The following FOCAD variants were observed in gnomAD, a reference collection of about 807,000 sequenced individuals.
FOCAD encodes the protein focadhesin.
FOCAD carries 198 observed loss-of-function variants against 225.6 expected under a neutral mutation model. The ratio of observed to expected loss-of-function variants is 0.88; its 90% CI spans 0.78 to 0.99. The LOEUF is 0.99. Among genes scored for constraint, FOCAD ranks in the 50% least tolerant of loss-of-function variants. FOCAD has a pLI of 0.00. For missense variants in FOCAD, 2,713 were observed against 2,123.6 expected (o/e 1.28, Z -5.46); for synonymous variants, 897 against 755.0 (o/e 1.19, Z -3.08).
Position 20,765,031 on chromosome 9 carries a change from G to A in FOCAD, c.657G>A (p.Gln219=). 6.2e-7 allele frequency: 1 copy of A among 1,614,104 alleles called. No individual in the cohort carries two copies. Among genetic ancestry groups the A allele is most frequent in the South Asian group, 1.1e-5 (1 of 91,072 alleles). ...AAGATCAACCATCAATACTGGAACA[G>A]CAGATACTTCAACTGTGTTGTGACA... ...CDKDQPSILE[Q]QILQLCCDIV... Residue 219 remains glutamine, a synonymous_variant, in exon 7 of 44, where the codon CAG becomes CAA. Transcript: ENST00000338382.
intron 21 of FOCAD, among the ~76,000 whole-genome samples, chr9:20,901,962 A>G (rs1319670836): frequency 1.3e-5 from 2 of 151,954 alleles, no homozygotes; most frequent in Non-Finnish European, 2.9e-5. Flanking sequence ...AAAAAGTTTT[A>G]AATTTTGTGT....
intron 1 of FOCAD, among the ~76,000 whole-genome samples, chr9:20,685,659 C>T (rs921926804): frequency 6.6e-6 from 1 of 152,052 alleles, no homozygotes; most frequent in African/African-American, 2.4e-5. Flanking sequence ...TTTTCACTTG[C>T]TTTTATAGAT....
chr9:20,661,263 A>G (rs1194697230), intron 2 of FOCAD, among the ~76,000 whole-genome samples: 2 of 152,224 alleles, frequency 1.3e-5, no homozygotes, highest in Non-Finnish European at 1.5e-5. Flanking sequence ...AAGTAGCATG[A>G]AGGGCTCAAT....
intron 2 of FOCAD, among the ~76,000 whole-genome samples, chr9:20,675,740 C>T (rs1167030240): frequency 6.6e-6 from 1 of 152,190 alleles, no homozygotes; most frequent in Non-Finnish European, 1.5e-5. Flanking sequence ...AAACTTGTTT[C>T]AGACGATTAA....
chr9:20,883,366 A>G lies in FOCAD; in HGVS notation c.2503+1310A>G, dbSNP rs143928013. Among the ~76,000 whole-genome samples, 844 of 152,354 alleles carry G rather than the reference A, an allele frequency of 5.5e-3. 11 individuals are homozygous for G. The highest frequency in any genetic ancestry group is 0.019 in the African/African-American group (796 of 41,592). ...GCAGAGCAAGGAGACAAGAAAATCT[A>G]TAAGATCACAAAATATCTGAACAAT... On this transcript the variant is annotated intron_variant, in intron 20 of 43. Coordinates refer to ENST00000338382, the MANE Select transcript of FOCAD (RefSeq NM_001375567.1).
intron 28 of FOCAD, among the ~76,000 whole-genome samples, chr9:20,939,509 C>A (rs909401671): frequency 1.3e-5 from 2 of 152,198 alleles, no homozygotes; most frequent in East Asian, 3.9e-4. Flanking sequence ...GCATTGTCTC[C>A]ATCAGTTTTC....
intron 8 of FOCAD, 131 bp downstream of exon 8, chr9:20,770,369 A>C: frequency 3.7e-6 from 3 of 807,902 alleles, no homozygotes; most frequent in Non-Finnish European, 5.8e-6. Context: ...TGGTGCTGGC[A>C]TCTGCTTAGC....
intron 19 of FOCAD, among the ~76,000 whole-genome samples, chr9:20,878,971 A>C (rs369635244): frequency 1.3e-5 from 2 of 152,120 alleles, no homozygotes; most frequent in Admixed American, 1.3e-4. Context: ...CACCTTCTGC[A>C]TTTGTTCTCT....
chr9:20,702,769 A>G (rs949659974), intron 1 of FOCAD, among the ~76,000 whole-genome samples: 1 of 152,166 alleles, frequency 6.6e-6, no homozygotes, highest in Non-Finnish European at 1.5e-5. Flanking sequence ...AAATGGAGTT[A>G]ATATTTACCT....
intron 1 of FOCAD, among the ~76,000 whole-genome samples, chr9:20,686,369 C>T (rs533886601): frequency 2.0e-5 from 3 of 152,276 alleles, no homozygotes; most frequent in Non-Finnish European, 4.4e-5. Flanking sequence ...GTTGGCCAGG[C>T]TGGTCTCGAA....
intron 11 of FOCAD, among the ~76,000 whole-genome samples, chr9:20,810,355 C>G (rs1822925952): frequency 6.6e-6 from 1 of 152,114 alleles, no homozygotes; most frequent in African/African-American, 2.4e-5. Context: ...ACTCCTCCTT[C>G]TAACTCTGGT....
At position 20,874,939 on chromosome 9, in the gene FOCAD, A is replaced by G. The variant is rs1426062708; in HGVS notation, c.2317+132A>G. ...ATTTTTTAACCAGAATGTTAAATGC[A>G]CCCATCTGTTCTATTGAAACAGCTT... is the stretch of plus-strand genomic sequence containing the variant. On this transcript the variant is annotated intron_variant, in intron 19 of 43. Coordinates refer to ENST00000338382, the MANE Select transcript of FOCAD (RefSeq NM_001375567.1). 4 of 1,155,646 alleles carry G rather than the reference A, an allele frequency of 3.5e-6. No individual in the cohort carries two copies. The Admixed American group carries it at 6.1e-5, about 18-fold the overall frequency. 71.6% of individuals were successfully genotyped at this position (1,155,646 alleles called of 1,614,324 possible).
In FOCAD at chr9:20,926,328, G is replaced by T; in HGVS notation, c.2989G>T (p.Glu997Ter). 1 of 1,612,218 alleles carries T rather than the reference G, an allele frequency of 6.2e-7. No individual in the cohort carries two copies. Among genetic ancestry groups the T allele is most frequent in the Middle Eastern group, 1.7e-4 (1 of 6,056 alleles). ...EVQPNFLSMK[E>*]WVSMVLDTLL... ...TCAACCTAATTTCCTTTCAATGAAA[G>T]AGTGGGTTTCCATGGTACTTGATAC... Residue 997 changes from glutamate to a stop codon, truncating the protein, a stop_gained, in exon 26 of 44, where the codon GAG becomes TAG. Transcript: ENST00000338382. LOFTEE classifies it high-confidence loss of function.
At chr9:20,781,689 T>A in intron 9 of FOCAD, 38 bp from the exon 10 acceptor site, 1 of 1,589,216 alleles carries the variant, frequency 6.3e-7, no homozygotes, top group Non-Finnish European at 8.6e-7. Flanking sequence ...ACTGTGGTAT[T>A]AATTTTTAAA....
intron 29 of FOCAD, 89 bp downstream of exon 29, chr9:20,944,863 C>A: frequency 1.5e-6 from 2 of 1,325,532 alleles, no homozygotes; most frequent in East Asian, 2.6e-5. Context: ...TTTTGGTAAC[C>A]CTATAAATTA....
intron 11 of FOCAD, among the ~76,000 whole-genome samples, chr9:20,815,498 T>C (rs796886640): frequency 3.9e-5 from 6 of 152,054 alleles, no homozygotes; most frequent in African/African-American, 1.4e-4. Flanking sequence ...AGTATCTTGG[T>C]TGGCAGTACC....
chr9:20,761,023 G>C (rs908599050), intron 6 of FOCAD, among the ~76,000 whole-genome samples: 1 of 151,650 alleles, frequency 6.6e-6, no homozygotes, highest in African/African-American at 2.4e-5. Context: ...GATTTTTTGG[G>C]GGGGGGCGTT....
intron 2 of FOCAD, among the ~76,000 whole-genome samples, chr9:20,672,457 A>G (rs1480115081): frequency 1.3e-5 from 2 of 152,132 alleles, no homozygotes; most frequent in Admixed American, 6.5e-5. Context: ...TATTATTATT[A>G]TTATTATTTT....
chr9:20,938,230 G>A (rs577011288), intron 28 of FOCAD, among the ~76,000 whole-genome samples: 1 of 152,144 alleles, frequency 6.6e-6, no homozygotes, highest in East Asian at 1.9e-4. Flanking sequence ...CCATTACTGG[G>A]TATATACCCA....
Sources: allele counts gnomAD v4.1 joint callset (sites outside exome capture counted in the v4.1 genomes callset), GRCh38; gene constraint gnomAD v4.1.1; transcripts MANE v1.5; gene names NCBI Gene and HGNC (gene_info 2026-07-23, HGNC 2026-07-21).